DOCK3: variants seen among roughly 807,000 people sequenced by gnomAD.
The protein encoded by DOCK3 is dedicator of cytokinesis 3.
In DOCK3, 60 loss-of-function variants were observed where a neutral mutation model predicts 265.6. The observed-to-expected ratio is 0.23, with a 90% CI of 0.18 to 0.28. The LOEUF (loss-of-function observed/expected upper bound fraction) is 0.28, where lower values mean the gene tolerates loss of function less well. DOCK3 is among the 10% of genes least tolerant of loss of function. DOCK3 has a pLI of 1.00. For missense variants in DOCK3, 1,981 were observed against 2,594.3 expected, an observed-to-expected ratio of 0.76 and a Z score of 5.14; for synonymous variants, 881 against 938.0, an observed-to-expected ratio of 0.94 and a Z score of 1.11.
intron 12 of DOCK3, among the ~76,000 whole-genome samples, chr3:51,187,042 G>C (rs1249427007): frequency 2.7e-4 from 41 of 152,166 alleles, no homozygotes; most frequent in Admixed American, 2.7e-3. Context: ...CCATCCTCCA[G>C]ACCCCAGAAT....
intron 9 of DOCK3, among the ~76,000 whole-genome samples, chr3:51,108,314 A>G (rs1165602166): frequency 1.3e-5 from 2 of 152,204 alleles, no homozygotes; most frequent in Admixed American, 1.3e-4. Context: ...AAGGGGAAAG[A>G]AGATCCTTGT....
At chr3:51,289,934 A>C (rs1456061635) in intron 27 of DOCK3, among the ~76,000 whole-genome samples, 3 of 152,244 alleles carry the variant, frequency 2.0e-5, no homozygotes, top group African/African-American at 7.2e-5. Flanking sequence ...ACATGAAAAA[A>C]TGCTCATCAT....
chr3:51,325,876 C>G (rs1035098833), intron 32 of DOCK3, among the ~76,000 whole-genome samples: 1 of 152,018 alleles, frequency 6.6e-6, no homozygotes, highest in African/African-American at 2.4e-5. Context: ...AACACATGGA[C>G]ACAGGGAGGG....
At position 51,004,586 on chromosome 3, in the gene DOCK3, T is replaced by C. The variant is rs186861511; in HGVS notation, c.316-59862T>C. Among the ~76,000 whole-genome samples the C allele has an allele frequency of 9.5e-4, 145 of 152,252 alleles. 2 individuals carry two copies. The highest frequency in any genetic ancestry group is 3.3e-3 in the African/African-American group (136 of 41,558). On this transcript the variant is annotated intron_variant, in intron 5 of 52. Coordinates refer to ENST00000266037, the MANE Select transcript of DOCK3 (RefSeq NM_004947.5). ...TTATGAAACTTTGGAACCATGATTA[T>C]AGTAGTATTATATAGTAGAATGATT...
intron 32 of DOCK3, among the ~76,000 whole-genome samples, chr3:51,328,420 A>C (rs910232051): frequency 6.6e-6 from 1 of 152,172 alleles, no homozygotes; most frequent in African/African-American, 2.4e-5. Flanking sequence ...CTTGGCTTCT[A>C]GATGCAGCTC....
At chr3:50,877,650 T>TTTTTCTTTTCTTTTCTTTTC (rs141046408) in intron 3 of DOCK3, 136 of 389,334 alleles carry the variant, frequency 3.5e-4, no homozygotes, top group African/African-American at 2.9e-3. Context: ...TGGCAGCCAC[T>TTTTTCTTTTCTTTTCTTTTC]TTTTCTTTTC....
chr3:51,122,094 A>G (rs143614331), intron 9 of DOCK3, among the ~76,000 whole-genome samples: 30 of 152,300 alleles, frequency 2.0e-4, no homozygotes, highest in Middle Eastern at 3.4e-3. Flanking sequence ...GATATTATTT[A>G]TTCTTGATGG....
chr3:50,681,889 C>A (rs1399032929), intron 1 of DOCK3, among the ~76,000 whole-genome samples: 1 of 152,204 alleles, frequency 6.6e-6, no homozygotes, highest in East Asian at 1.9e-4. Context: ...TAGTACCATA[C>A]CTTCAACAGA....
intron 12 of DOCK3, among the ~76,000 whole-genome samples, chr3:51,203,797 G>C (rs565143594): frequency 2.0e-5 from 3 of 152,140 alleles, no homozygotes; most frequent in East Asian, 1.9e-4. Flanking sequence ...AAACAGCATG[G>C]TACTGGTACC....
At chr3:50,687,187 G>T (rs1296648878) in intron 1 of DOCK3, among the ~76,000 whole-genome samples, 1 of 151,856 alleles carries the variant, frequency 6.6e-6, no homozygotes, top group Non-Finnish European at 1.5e-5. Context: ...CTGCACTCCA[G>T]CCTGGGCAAC....
At chr3:51,089,785 C>G (rs1344725838) in intron 8 of DOCK3, among the ~76,000 whole-genome samples, 1 of 150,742 alleles carries the variant, frequency 6.6e-6, no homozygotes, top group Non-Finnish European at 1.5e-5. Flanking sequence ...GCCTGTAATC[C>G]CAGCTACTCA....
intron 9 of DOCK3, among the ~76,000 whole-genome samples, chr3:51,133,736 G>A (rs2084667998): frequency 6.6e-6 from 1 of 152,132 alleles, no homozygotes; most frequent in Non-Finnish European, 1.5e-5. Flanking sequence ...ACAGGCATGG[G>A]AATGGATATT....
intron 1 of DOCK3, among the ~76,000 whole-genome samples, chr3:50,681,157 G>A (rs1028941496): frequency 3.9e-5 from 6 of 152,116 alleles, no homozygotes; most frequent in South Asian, 4.2e-4. Context: ...TTTCTAGTTC[G>A]TTTTATCATG....
intron 5 of DOCK3, among the ~76,000 whole-genome samples, chr3:50,966,198 C>T (rs1034446726): frequency 6.6e-6 from 1 of 152,106 alleles, no homozygotes; most frequent in African/African-American, 2.4e-5. Flanking sequence ...ATATATTCCA[C>T]ATATTTTCTT....
intron 12 of DOCK3, among the ~76,000 whole-genome samples, chr3:51,195,483 C>T (rs148077531): frequency 0.024 from 3,684 of 151,098 alleles, 177 homozygotes; most frequent in African/African-American, 0.085. Flanking sequence ...GGTGAGATCT[C>T]GGCTCACTGC....
chr3:51,032,249 G>T (rs139699660), intron 5 of DOCK3, among the ~76,000 whole-genome samples: 2 of 151,742 alleles, frequency 1.3e-5, no homozygotes, highest in Non-Finnish European at 2.9e-5. Flanking sequence ...AAACTAGTTC[G>T]CAATCTTGAT....
At chr3:50,775,682 G>A (rs553553881) in intron 1 of DOCK3, among the ~76,000 whole-genome samples, 2 of 152,008 alleles carry the variant, frequency 1.3e-5, no homozygotes, top group Admixed American at 6.6e-5. Context: ...AGATTTTAGT[G>A]CACCTGTTAC....
chr3:51,073,052 G>T (rs1484504864), intron 6 of DOCK3, among the ~76,000 whole-genome samples: 1 of 151,818 alleles, frequency 6.6e-6, no homozygotes, highest in Non-Finnish European at 1.5e-5. Context: ...ATTCTTTTTT[G>T]TTGTTGTTGT....
chr3:51,060,898 A>C (rs891806051), intron 5 of DOCK3, among the ~76,000 whole-genome samples: 1 of 152,208 alleles, frequency 6.6e-6, no homozygotes, highest in Non-Finnish European at 1.5e-5. Context: ...ACAAGTGGGC[A>C]AAGGATATGA....
Sources: allele counts gnomAD v4.1 joint callset (sites outside exome capture counted in the v4.1 genomes callset), GRCh38; gene constraint gnomAD v4.1.1; transcripts MANE v1.5; gene names NCBI Gene and HGNC (gene_info 2026-07-23, HGNC 2026-07-21).